Variants in IGSF5 observed in about 807,000 individuals in gnomAD.
The protein encoded by IGSF5 is immunoglobulin superfamily 5 like.
A neutral mutation model predicts 39.4 loss-of-function variants in IGSF5; 41 were observed. That is an observed-to-expected ratio of 1.04 (90% CI 0.81 to 1.35). IGSF5 has a LOEUF of 1.35. IGSF5 is among the 40% of genes most tolerant of loss of function. The pLI is 0.00. For synonymous variants in IGSF5, 183 were observed against 175.3 expected, an observed-to-expected ratio of 1.04 and a Z score of -0.34; for missense variants, 487 against 494.6, an observed-to-expected ratio of 0.98 and a Z score of 0.15.
intron 4 of IGSF5, among the ~76,000 whole-genome samples, chr21:39,772,800 TGTG>T (rs2080121641): frequency 6.6e-6 from 1 of 152,208 alleles, no homozygotes; most frequent in African/African-American, 2.4e-5. Context: ...GGTAATGTAA[TGTG>T]GTCACAGGAT....
chr21:39,765,902 C>G (rs773805427), intron 3 of IGSF5, 50 bp downstream of exon 3: 1 of 1,533,906 alleles, frequency 6.5e-7, no homozygotes, highest in Non-Finnish European at 8.9e-7. Context: ...TGTCAGAGGG[C>G]AGGAAGGACC....
In IGSF5 at chr21:39,800,907, G is replaced by A. The variant is rs550904139; in HGVS notation, c.1129-355G>A. Among the ~76,000 whole-genome samples the A allele has an allele frequency of 7.2e-5, 11 of 152,292 alleles. No individual in the cohort carries two copies. In the East Asian group the frequency reaches 7.7e-4, roughly 11 times the overall value. On this transcript the variant is annotated intron_variant, in intron 8 of 8. Transcript: ENST00000380588. ...TCCCCCTGTTCTAGAAACAATGCAC[G>A]CTCTTTAAGAAGTTTAGAAATATTT...
upstream of IGSF5, among the ~76,000 whole-genome samples, chr21:39,744,464 C>T (rs1410888905): frequency 6.6e-6 from 1 of 152,228 alleles, no homozygotes; most frequent in East Asian, 1.9e-4. Flanking sequence ...AATTATTAGG[C>T]AATTTTTCTA....
At chr21:39,747,322 C>T (rs1025905938) in intron 2 of IGSF5, among the ~76,000 whole-genome samples, 2 of 152,180 alleles carry the variant, frequency 1.3e-5, no homozygotes, top group Admixed American at 6.5e-5. Flanking sequence ...GGGAAACTGC[C>T]GCCATGATTC....
At chr21:39,759,132 C>T (rs1043912016) in intron 2 of IGSF5, among the ~76,000 whole-genome samples, 3 of 152,158 alleles carry the variant, frequency 2.0e-5, no homozygotes, top group Non-Finnish European at 2.9e-5. Context: ...ATGTGTTTTA[C>T]AATGCTGGCC....
chr21:39,794,115 T>C (rs1410087348), intron 8 of IGSF5, among the ~76,000 whole-genome samples: 2 of 152,272 alleles, frequency 1.3e-5, no homozygotes, highest in South Asian at 2.1e-4. Flanking sequence ...TCTATGCTGA[T>C]AAGCTTGAGG....
intron 5 of IGSF5, among the ~76,000 whole-genome samples, chr21:39,785,842 G>T (rs1460711539): frequency 6.6e-6 from 1 of 152,130 alleles, no homozygotes; most frequent in African/African-American, 2.4e-5. Context: ...GTTCACTCAT[G>T]ATTTGGCTCT....
upstream of IGSF5, among the ~76,000 whole-genome samples, chr21:39,741,499 T>G (rs1242928566): frequency 6.6e-6 from 1 of 152,170 alleles, no homozygotes; most frequent in African/African-American, 2.4e-5. Context: ...TAGCCACAGG[T>G]AGTGAGGAAA....
chr21:39,798,201 C>G (rs1296725524), intron 8 of IGSF5, among the ~76,000 whole-genome samples: 2 of 152,188 alleles, frequency 1.3e-5, no homozygotes, highest in African/African-American at 4.8e-5. Context: ...TATTGGTTAC[C>G]TTATAGCAAG....
chr21:39,779,764 C>A (rs1464318207), intron 5 of IGSF5, among the ~76,000 whole-genome samples: 3 of 152,042 alleles, frequency 2.0e-5, no homozygotes, highest in Non-Finnish European at 4.4e-5. Context: ...CTGGAGAGAC[C>A]TAAAGGATAT....
chr21:39,800,906 C>T (rs574607198), intron 8 of IGSF5, among the ~76,000 whole-genome samples: 15 of 152,278 alleles, frequency 9.9e-5, no homozygotes, highest in South Asian at 4.1e-4. Context: ...AAACAATGCA[C>T]GCTCTTTAAG....
chr21:39,725,139 G>T, the IGSF5 span, among the ~76,000 whole-genome samples: 1 of 152,220 alleles, frequency 6.6e-6, no homozygotes, highest in South Asian at 2.1e-4. Flanking sequence ...TCCAGATAGA[G>T]ATCAGGATTC....
chr21:39,770,237 TGC>T (rs1300028321), intron 3 of IGSF5, among the ~76,000 whole-genome samples: 2 of 151,886 alleles, frequency 1.3e-5, no homozygotes, highest in South Asian at 4.2e-4. Flanking sequence ...ATGGGTTGTT[TGC>T]AGTATGAATG....
the IGSF5 span, among the ~76,000 whole-genome samples, chr21:39,739,424 T>C: frequency 0.011 from 1,650 of 152,260 alleles, 36 homozygotes; most frequent in African/African-American, 0.037. Context: ...TGATTGGTTA[T>C]TTCTTTATCT....
chr21:39,741,817 G>A (rs1254658650), upstream of IGSF5, among the ~76,000 whole-genome samples: 1 of 152,104 alleles, frequency 6.6e-6, no homozygotes, highest in Non-Finnish European at 1.5e-5. Context: ...TCTGGTATTT[G>A]GGAAAGCAGA....
intron 1 of IGSF5, 58 bp from the exon 2 acceptor site, chr21:39,746,158 G>A: frequency 4.3e-6 from 3 of 700,858 alleles, no homozygotes; most frequent in South Asian, 3.0e-5. Flanking sequence ...AGCCATGCAG[G>A]AACAATGGCG....
At chr21:39,726,590 G>A in the IGSF5 span, among the ~76,000 whole-genome samples, 1 of 152,208 alleles carries the variant, frequency 6.6e-6, no homozygotes, top group Non-Finnish European at 1.5e-5. Flanking sequence ...GGCTGATGTA[G>A]CTGCTGCCTC....
chr21:39,725,141 TC>T, the IGSF5 span, among the ~76,000 whole-genome samples: 8 of 152,236 alleles, frequency 5.3e-5, no homozygotes, highest in Admixed American at 5.2e-4. Flanking sequence ...CAGATAGAGA[TC>T]AGGATTCCCT....
the IGSF5 span, among the ~76,000 whole-genome samples, chr21:39,737,241 C>T: frequency 4.0e-5 from 6 of 151,844 alleles, no homozygotes; most frequent in South Asian, 2.1e-4. Context: ...CATTCAACAC[C>T]GTAACAACTA....
Sources: allele counts gnomAD v4.1 joint callset (sites outside exome capture counted in the v4.1 genomes callset), GRCh38; gene constraint gnomAD v4.1.1; transcripts MANE v1.5; gene names NCBI Gene and HGNC (gene_info 2026-07-23, HGNC 2026-07-21).